Variants in MAPK8 observed in about 807,000 individuals in gnomAD.
The protein encoded by MAPK8 is mitogen-activated protein kinase 8.
Under a neutral mutation model 52.9 loss-of-function variants are expected in MAPK8, and 13 were observed. The observed-to-expected ratio is 0.25, with a 90% CI of 0.16 to 0.39. MAPK8 has a LOEUF of 0.39. Among genes scored for constraint, MAPK8 ranks in the 10% least tolerant of loss-of-function variants. The pLI is 1.00. For missense variants in MAPK8, 300 were observed against 519.2 expected (o/e 0.58, Z 4.10); for synonymous variants, 191 against 169.8 (o/e 1.12, Z -0.97).
intron 1 of MAPK8, among the ~76,000 whole-genome samples, chr10:48,335,512 C>T (rs1336715968): frequency 6.6e-6 from 1 of 152,094 alleles, no homozygotes; most frequent in Non-Finnish European, 1.5e-5. Context: ...ACAAATTTTG[C>T]AAAATTTTAA....
chr10:48,360,956 A>T (rs1589067103), intron 1 of MAPK8, among the ~76,000 whole-genome samples: 1 of 152,214 alleles, frequency 6.6e-6, no homozygotes, highest in East Asian at 1.9e-4. Context: ...GTATATACAG[A>T]ATACACTTTG....
chr10:48,359,273 C>T (rs1257677935), intron 1 of MAPK8, among the ~76,000 whole-genome samples: 2 of 152,156 alleles, frequency 1.3e-5, no homozygotes, highest in African/African-American at 4.8e-5. Flanking sequence ...CAGTATACTG[C>T]ACCAGCGGAT....
At chr10:48,406,689 A>G (rs998480962) in intron 3 of MAPK8, among the ~76,000 whole-genome samples, 2 of 152,206 alleles carry the variant, frequency 1.3e-5, no homozygotes, top group South Asian at 2.1e-4. Flanking sequence ...CTTTTAAACA[A>G]TTTCATCCTC....
intron 11 of MAPK8, among the ~76,000 whole-genome samples, chr10:48,431,491 C>G (rs567568743): frequency 1.3e-5 from 2 of 152,266 alleles, no homozygotes; most frequent in Non-Finnish European, 2.9e-5. Flanking sequence ...TACTGACATT[C>G]TGAAGAACAG....
intron 1 of MAPK8, among the ~76,000 whole-genome samples, chr10:48,398,271 A>C (rs140820816): frequency 3.1e-3 from 477 of 152,340 alleles, no homozygotes; most frequent in Admixed American, 4.9e-3. Flanking sequence ...ACTCATAAGA[A>C]GACAGCCGTA....
At chr10:48,348,950 CAAA>C (rs57696845) in intron 1 of MAPK8, among the ~76,000 whole-genome samples, 15 of 132,368 alleles carry the variant, frequency 1.1e-4, no homozygotes, top group Admixed American at 2.3e-4. Context: ...AAATGGAAAG[CAAA>C]AAAAAAAAAA....
In MAPK8 at chr10:48,323,656, A is replaced by C. The variant is rs73293158; in HGVS notation, c.-50+16835A>C. Among the ~76,000 whole-genome samples the C allele has an allele frequency of 3.0e-3, 455 of 152,322 alleles. 4 individuals carry two copies. Among genetic ancestry groups the C allele is most frequent in the African/African-American group, 0.011 (443 of 41,570 alleles). On this transcript the variant is annotated intron_variant, in intron 1 of 11. Transcript: ENST00000374189. ...CTCTAAGCTATTCCCATACTTCTTA[A>C]ATTTCAAAATTACAAAGTTTTCCAT... is the stretch of plus-strand genomic sequence containing the variant.
chr10:48,387,351 C>T (rs1012646405), intron 1 of MAPK8, among the ~76,000 whole-genome samples: 2 of 152,136 alleles, frequency 1.3e-5, no homozygotes, highest in African/African-American at 2.4e-5. Flanking sequence ...CCCTCTATTA[C>T]GGAGGGTCTG....
intron 1 of MAPK8, among the ~76,000 whole-genome samples, chr10:48,328,469 TG>T (rs1843752264): frequency 6.6e-6 from 1 of 152,218 alleles, no homozygotes; most frequent in Non-Finnish European, 1.5e-5. Flanking sequence ...TGATCTGACC[TG>T]GTTGATCGTT....
At position 48,401,462 on chromosome 10, in the gene MAPK8, C is replaced by A. The variant is rs564519877; in HGVS notation, c.-49-150C>A. On this transcript the variant is annotated intron_variant, in intron 1 of 11. Transcript: ENST00000374189. The stretch of plus-strand genomic sequence containing the variant: ...ATGGCATATGCTAATCAAGGCTCTG[C>A]GGTATTTTTTTTCTTATGTTTTTTA... 2.1e-4 allele frequency: 104 copies of A among 494,682 alleles called. 2 individuals carry two copies. In the Middle Eastern group the frequency reaches 4.5e-3, roughly 21 times the overall value. 30.6% of individuals were successfully genotyped at this position (494,682 alleles called of 1,614,324 possible). A position where few individuals can be genotyped will look rare whatever the true frequency, so the allele number is the denominator to read the frequency against.
At chr10:48,364,929 A>G (rs1847894439) in intron 1 of MAPK8, among the ~76,000 whole-genome samples, 3 of 152,204 alleles carry the variant, frequency 2.0e-5, no homozygotes, top group Admixed American at 1.3e-4. Flanking sequence ...AGCAAACACT[A>G]TAAAATTGAT....
At chr10:48,424,485 ATGT>A in intron 7 of MAPK8, 3 of 1,416,198 alleles carry the variant, frequency 2.1e-6, no homozygotes, top group Non-Finnish European at 1.9e-6. Flanking sequence ...CAAAATCTTT[ATGT>A]TAATGTCATT....
chr10:48,341,390 T>G (rs897172462), intron 1 of MAPK8, among the ~76,000 whole-genome samples: 1 of 152,226 alleles, frequency 6.6e-6, no homozygotes. Context: ...CTCCAAAATA[T>G]GAAACTTTTT....
chr10:48,424,078 A>G lies in MAPK8; in HGVS notation c.617-10A>G, dbSNP rs1362264068. The G allele has an allele frequency of 2.5e-6, 4 of 1,605,810 alleles. No homozygotes were observed. The highest frequency in any genetic ancestry group is 3.4e-6 in the Non-Finnish European group (4 of 1,175,118). ...TTTGCTTTTCCTTCTTTTGTGCTGC[A>G]AACATATAGTGGATTTATGGTCTGT... On this transcript the variant is annotated splice_polypyrimidine_tract_variant and intron_variant, in intron 6 of 11. Coordinates refer to ENST00000374189, the MANE Select transcript of MAPK8 (RefSeq NM_001323329.2).
At position 48,431,135 on chromosome 10, in the gene MAPK8, C is replaced by T. The variant is rs369655477; in HGVS notation, c.1061-58C>T. ...AAAATTTCCACTTAAACCATACATG[C>T]GTTGTGAGATTGGCTCTTAGACTTT... On this transcript the variant is annotated intron_variant, in intron 10 of 11. Coordinates refer to ENST00000374189, the MANE Select transcript of MAPK8 (RefSeq NM_001323329.2). 1.4e-4 allele frequency: 151 copies of T among 1,047,976 alleles called. No homozygotes were observed. The African/African-American group carries it at 1.8e-3, about 12-fold the overall frequency. The allele number at this position is 1,047,976 out of a possible 1,614,324, so 64.9% of individuals were successfully genotyped here.
chr10:48,328,748 C>T (rs934324491), intron 1 of MAPK8, among the ~76,000 whole-genome samples: 1 of 152,136 alleles, frequency 6.6e-6, no homozygotes, highest in Non-Finnish European at 1.5e-5. Context: ...GAACATTTTC[C>T]TGTTCAATTT....
intron 5 of MAPK8, 116 bp from the exon 6 acceptor site, chr10:48,420,039 T>G: frequency 1.4e-6 from 1 of 739,342 alleles, no homozygotes; most frequent in Non-Finnish European, 2.1e-6. Context: ...AATATTACAG[T>G]GAGAAAAACG....
intron 3 of MAPK8, among the ~76,000 whole-genome samples, 173 bp from the exon 4 acceptor site, chr10:48,409,706 A>G (rs1049702128): frequency 6.6e-6 from 1 of 152,160 alleles, no homozygotes; most frequent in Non-Finnish European, 1.5e-5. Context: ...CCCTCCTCCA[A>G]CTCCTGCCCA....
intron 1 of MAPK8, among the ~76,000 whole-genome samples, chr10:48,394,178 G>A (rs186309148): frequency 3.2e-4 from 49 of 151,916 alleles, no homozygotes; most frequent in Non-Finnish European, 5.8e-4. Context: ...CATCATAGAA[G>A]ACTTCACTGA....
Sources: allele counts gnomAD v4.1 joint callset (sites outside exome capture counted in the v4.1 genomes callset), GRCh38; gene constraint gnomAD v4.1.1; transcripts MANE v1.5; gene names NCBI Gene and HGNC (gene_info 2026-07-23, HGNC 2026-07-21).